The following SAMD11 variants were observed in gnomAD, a reference collection of about 807,000 sequenced individuals.
SAMD11 encodes sterile alpha motif domain containing 11.
SAMD11 carries 77 observed loss-of-function variants against 64.4 expected under a neutral mutation model. The observed-to-expected ratio is 1.20, with a 90% CI of 0.99 to 1.44. The LOEUF (loss-of-function observed/expected upper bound fraction) is 1.44. SAMD11 is among the 40% of genes most tolerant of loss of function. The probability of loss-of-function intolerance (pLI) is 0.00; values close to 1 mark genes in which losing one functional copy is unlikely to be tolerated. For missense variants in SAMD11, 1,402 were observed against 943.3 expected, an observed-to-expected ratio of 1.49 and a Z score of -6.37; for synonymous variants, 658 against 421.9, an observed-to-expected ratio of 1.56 and a Z score of -6.86.
rs1642018268 is a variant in SAMD11, at chr1:944,340, T to C, written c.*187T>C. The C allele has an allele frequency of 9.4e-6, 13 of 1,378,406 alleles. No homozygotes were observed. Among genetic ancestry groups the C allele is most frequent in the Non-Finnish European group, 1.2e-5 (13 of 1,073,792 alleles). 85.4% of individuals were successfully genotyped at this position (1,378,406 alleles called of 1,614,324 possible). On this transcript the variant is annotated 3_prime_UTR_variant, in exon 14 of 14. Coordinates refer to ENST00000616016, the MANE Select transcript of SAMD11 (RefSeq NM_001385641.1). ...TTGGGGGAGTGAAGGCAGAGCCTGG[T>C]GCAGATGGACGAGGTCTGCAGACGG...
At chr1:943,674 A>C in intron 12 of SAMD11, 24 bp from the exon 13 acceptor site, 1 of 1,478,514 alleles carries the variant, frequency 6.8e-7, no homozygotes, top group Non-Finnish European at 9.1e-7. Flanking sequence ...CCGGGTCCTG[A>C]CCCTCCCTCC....
Position 924,006 on chromosome 1 carries a change from G to C in SAMD11, c.-426G>C, listed in dbSNP as rs1640775246. On this transcript the variant is annotated 5_prime_UTR_variant, in exon 1 of 14. Coordinates refer to ENST00000616016, the MANE Select transcript of SAMD11 (RefSeq NM_001385641.1). ...CGACTGACGCGGCCCGGGCGGCGGG[G>C]CGGGGGCTTGGGACCCCCGAGAGGG... 1 of 150,522 alleles carries C rather than the reference G, an allele frequency of 6.6e-6. No individual in the cohort carries two copies. Among genetic ancestry groups the C allele is most frequent in the Admixed American group, 6.6e-5 (1 of 15,132 alleles). The allele number at this position is 150,522 out of a possible 1,614,324, so 9.3% of individuals were successfully genotyped here.
rs775122845 is a variant in SAMD11, at chr1:942,149, C to T, written c.1372C>T (p.Pro458Ser). The T allele has an allele frequency of 3.3e-5, 46 of 1,373,988 alleles. 1 individual carries two copies. Among genetic ancestry groups the T allele is most frequent in the Non-Finnish European group, 4.3e-5 (44 of 1,032,164 alleles). 85.1% of individuals were successfully genotyped at this position (1,373,988 alleles called of 1,614,324 possible). ...PSFSERELPQPPPLLSPQNAP... is the reference protein window; with the variant it reads ...PSFSERELPQSPPLLSPQNAP... ...TGCCGTCCACAGGGAGCTGCCTCAG[C>T]CGCCCCCCTTGCTGTCGCCGCAGAA... Residue 458 changes from proline to serine, a missense_variant, in exon 9 of 14, where the codon CCG becomes TCG. Transcript: ENST00000616016.
chr1:942,757 C>A lies in SAMD11; in HGVS notation c.1752C>A (p.Pro584=), dbSNP rs992819326. The A allele has an allele frequency of 3.3e-6, 5 of 1,518,174 alleles. No individual in the cohort carries two copies. In the African/African-American group the frequency reaches 4.3e-5, roughly 13 times the overall value. 94.0% of individuals were successfully genotyped at this position (1,518,174 alleles called of 1,614,324 possible). A position where few individuals can be genotyped will look rare whatever the true frequency, so the allele number is the denominator to read the frequency against. The change falls in exon 11 of 14, where the codon CCC becomes CCA. Residue 584 remains proline, a synonymous_variant. Transcript: ENST00000616016. ...AGGGGCCCCCGGGCTCCGGACCCCC[C>A]ACCCCGTCCCGGGACTCTGCCCGGC... ...PPQGPPGSGP[P]TPSRDSARRA...
chr1:936,127 C>T (rs1005377558), intron 5 of SAMD11, among the ~76,000 whole-genome samples: 12 of 152,308 alleles, frequency 7.9e-5, no homozygotes, highest in South Asian at 4.1e-4. Flanking sequence ...TTGGAGTAGC[C>T]GGGGCCCTGC....
chr1:940,379 C>A (rs1215450547), intron 7 of SAMD11: 1 of 150,342 alleles, frequency 6.7e-6, no homozygotes, highest in African/African-American at 2.4e-5. Flanking sequence ...CGCTGGGCCC[C>A]GCTGGGATCG....
intron 7 of SAMD11, 68 bp from the exon 8 acceptor site, chr1:941,076 C>T: frequency 7.0e-7 from 1 of 1,432,010 alleles, no homozygotes. Context: ...GTGTTCTACG[C>T]CAGGACGCGG....
rs757987697 is a variant in SAMD11 at position 941,274 on chromosome 1, C to T, written c.1326C>T (p.Ala442=). Residue 442 remains alanine, a synonymous_variant, in exon 8 of 14, where the codon GCC becomes GCT. Coordinates refer to ENST00000616016, the MANE Select transcript of SAMD11 (RefSeq NM_001385641.1). ...KQGLAQHREG[A]APAAAPSFSE... ...GCCTGGCTCAGCACCGGGAGGGCGCCGCCCCAGCTGCCGCCCCGTCCTTCT... is the reference window on the plus strand; with the variant it reads ...GCCTGGCTCAGCACCGGGAGGGCGCTGCCCCAGCTGCCGCCCCGTCCTTCT... The T allele has an allele frequency of 1.3e-6, 2 of 1,596,390 alleles. No homozygotes were observed. Among genetic ancestry groups the T allele is most frequent in the South Asian group, 2.2e-5 (2 of 89,272 alleles).
intron 5 of SAMD11, among the ~76,000 whole-genome samples, chr1:936,659 C>CA (rs1641468438): frequency 6.6e-6 from 1 of 152,044 alleles, no homozygotes. Context: ...GTGTTCCCAG[C>CA]AGGGCCTGCA....
At chr1:928,208 A>C (rs548164092) in intron 2 of SAMD11, among the ~76,000 whole-genome samples, 37 of 149,172 alleles carry the variant, frequency 2.5e-4, no homozygotes, top group South Asian at 8.5e-4. Flanking sequence ...CCTGACTAAC[A>C]CGGTGAAACC....
In SAMD11 at chr1:928,532, C is replaced by T. The variant is rs867916266; in HGVS notation, c.610-1623C>T. Among the ~76,000 whole-genome samples, 47 of 152,386 alleles carry T rather than the reference C, an allele frequency of 3.1e-4. No homozygotes were observed. In the Middle Eastern group the frequency reaches 0.017, roughly 55 times the overall value. ...GGACAGGCTGTGGCTGTTGAAGGGA[C>T]CCCCGAGCTCCAGCTGACACGCGGA... On this transcript the variant is annotated intron_variant, in intron 2 of 13. Coordinates refer to ENST00000616016, the MANE Select transcript of SAMD11 (RefSeq NM_001385641.1).
chr1:928,188 T>G (rs1391906293), intron 2 of SAMD11, among the ~76,000 whole-genome samples: 2 of 151,790 alleles, frequency 1.3e-5, no homozygotes, highest in East Asian at 3.9e-4. Context: ...GGTCAGGAGA[T>G]CGAGACCATC....
chr1:933,447 C>G (rs1641262580), intron 4 of SAMD11, among the ~76,000 whole-genome samples: 1 of 152,340 alleles, frequency 6.6e-6, no homozygotes, highest in South Asian at 2.1e-4. Context: ...CCCTCCCTCA[C>G]TTTCCTTCTG....
rs72902592 is a variant in SAMD11, at chr1:938,503, G to A, written c.968-537G>A. 2.0e-3 allele frequency among the ~76,000 whole-genome samples: 311 copies of A among 152,290 alleles called. 2 individuals carry two copies. The highest frequency in any genetic ancestry group is 7.1e-3 in the African/African-American group (297 of 41,582). On this transcript the variant is annotated intron_variant, in intron 5 of 13. Coordinates refer to ENST00000616016, the MANE Select transcript of SAMD11 (RefSeq NM_001385641.1). Reference sequence around the variant, plus strand: ...CGTGGGCCTTCTGGGGGCAGGGATGGGTATGACCAAGTAGGAGGCCTGGGA... The same window carrying A: ...CGTGGGCCTTCTGGGGGCAGGGATGAGTATGACCAAGTAGGAGGCCTGGGA...
At position 928,141 on chromosome 1, in the gene SAMD11, C is replaced by T. The variant is rs147534364; in HGVS notation, c.610-2014C>T. Among the ~76,000 whole-genome samples the T allele has an allele frequency of 6.6e-5, 10 of 152,170 alleles. 1 individual carries two copies. The highest frequency in any genetic ancestry group is 2.6e-4 in the Admixed American group (4 of 15,286). On this transcript the variant is annotated intron_variant, in intron 2 of 13. Coordinates refer to ENST00000616016, the MANE Select transcript of SAMD11 (RefSeq NM_001385641.1). Reference sequence around the variant, plus strand: ...GGGTGTGGTGGCGCATGCCTGTAATCCCAGCACTTTGGGAGGCCGAGGCGG... The same window carrying T: ...GGGTGTGGTGGCGCATGCCTGTAATTCCAGCACTTTGGGAGGCCGAGGCGG...
chr1:942,479 AC>A lies in SAMD11; in HGVS notation c.1546del (p.Leu516TrpfsTer48). Reference protein sequence around the residue: ...AWQQELLRKQNLARLELPADL... With the variant: ...AWQQELLRKQXLARLELPADL... ...CAGCAGGAGCTCCTGCGGAAGCAGA[AC>A]CTGGCCCGGTAGGTGCGGGGAGGCG... is the stretch of plus-strand genomic sequence containing the variant. On this transcript the variant is annotated frameshift_variant, in exon 10 of 14. Coordinates refer to ENST00000616016, the MANE Select transcript of SAMD11 (RefSeq NM_001385641.1). LOFTEE classifies it high-confidence loss of function. 1 of 1,484,312 alleles carries A rather than the reference AC, an allele frequency of 6.7e-7. No individual in the cohort carries two copies. The highest frequency in any genetic ancestry group is 8.9e-7 in the Non-Finnish European group (1 of 1,123,718). The allele number at this position is 1,484,312 out of a possible 1,614,324, so 91.9% of individuals were successfully genotyped here. A position where few individuals can be genotyped will look rare whatever the true frequency, so the allele number is the denominator to read the frequency against.
Position 942,036 on chromosome 1 carries a change from C to T in SAMD11, c.1359-100C>T, listed in dbSNP as rs1641803240. Reference sequence around the variant, plus strand: ...CGTAACGAGCTGCGCATCGACCGCCCGCGGGGCCGGCAATTAGCGGAGGCG... The same window carrying T: ...CGTAACGAGCTGCGCATCGACCGCCTGCGGGGCCGGCAATTAGCGGAGGCG... On this transcript the variant is annotated intron_variant, in intron 8 of 13. Transcript: ENST00000616016. 1.8e-5 allele frequency: 8 copies of T among 442,618 alleles called. No homozygotes were observed. In the Admixed American group the frequency reaches 3.1e-4, roughly 17 times the overall value. The allele number at this position is 442,618 out of a possible 1,614,324, so 27.4% of individuals were successfully genotyped here.
intron 4 of SAMD11, among the ~76,000 whole-genome samples, 163 bp from the exon 5 acceptor site, chr1:935,609 C>T (rs1470675369): frequency 1.3e-5 from 2 of 152,206 alleles, no homozygotes; most frequent in African/African-American, 4.8e-5. Context: ...TGGGTGTGCA[C>T]ACAGTGGCGT....
rs1334356465 is a variant in SAMD11 at position 939,108 on chromosome 1, G to T, written c.1036G>T (p.Ala346Ser). The T allele has an allele frequency of 1.2e-6, 2 of 1,600,866 alleles. No individual in the cohort carries two copies. ...CAGCGACTGCTTTTCAGAGAAGAGGGCACGAAGCGAATCGCCTCAAGGTAA... is the reference window on the plus strand; with the variant it reads ...CAGCGACTGCTTTTCAGAGAAGAGGTCACGAAGCGAATCGCCTCAAGGTAA... ...ISSDCFSEKR[A>S]RSESPQEALL... is the part of the protein sequence containing the mutation. Residue 346 changes from alanine (A) to serine (S), a missense_variant, in exon 6 of 14, where the codon GCA becomes TCA. Transcript: ENST00000616016.
Sources: allele counts gnomAD v4.1 joint callset (sites outside exome capture counted in the v4.1 genomes callset), GRCh38; gene constraint gnomAD v4.1.1; transcripts MANE v1.5; gene names NCBI Gene and HGNC (gene_info 2026-07-23, HGNC 2026-07-21).